The following DCLK1 variants were observed in gnomAD, a reference collection of about 807,000 sequenced individuals.
DCLK1 encodes the protein serine/threonine-protein kinase DCLK1.
DCLK1 carries 16 observed loss-of-function variants against 86.2 expected under a neutral mutation model. The observed-to-expected ratio is 0.19, with a 90% CI of 0.13 to 0.28. The LOEUF is 0.28. Among genes scored for constraint, DCLK1 ranks in the 10% least tolerant of loss-of-function variants. The probability of loss-of-function intolerance (pLI) is 1.00; values close to 1 mark genes in which losing one functional copy is unlikely to be tolerated. For synonymous variants in DCLK1, 369 were observed against 370.5 expected, an observed-to-expected ratio of 1.00 and a Z score of 0.05; for missense variants, 590 against 940.2, an observed-to-expected ratio of 0.63 and a Z score of 4.87.
chr13:35,968,742 A>G (rs190488851), intron 3 of DCLK1, among the ~76,000 whole-genome samples: 45 of 152,148 alleles, frequency 3.0e-4, no homozygotes, highest in Non-Finnish European at 4.4e-4. Context: ...AGCAGATCAT[A>G]GATTCTCAGG....
At chr13:35,836,285 C>G in intron 7 of DCLK1, 144 bp from the exon 8 acceptor site, 1 of 666,776 alleles carries the variant, frequency 1.5e-6, no homozygotes, top group Non-Finnish European at 2.5e-6. Context: ...AACTGCCTCC[C>G]CACCCTTGCT....
chr13:35,861,144 C>T (rs928199624), intron 5 of DCLK1, among the ~76,000 whole-genome samples: 1 of 152,104 alleles, frequency 6.6e-6, no homozygotes, highest in African/African-American at 2.4e-5. Flanking sequence ...AGTGGGAGGA[C>T]ACCAGCCAGC....
intron 4 of DCLK1, among the ~76,000 whole-genome samples, chr13:35,928,769 A>G (rs556024211): frequency 6.6e-6 from 1 of 152,308 alleles, no homozygotes; most frequent in East Asian, 1.9e-4. Context: ...ATGTATACAC[A>G]TATAAGATCA....
rs762867609 is a variant in DCLK1 at position 35,847,725 on chromosome 13, A to G, written c.1035+6774T>C. ...AATTCCCCGGCTGGTTATGTAGGGT[A>G]TATATATATATAGTACATCAGCGCT... On this transcript the variant is annotated intron_variant, in intron 6 of 16. Coordinates refer to ENST00000360631, the MANE Select transcript of DCLK1 (RefSeq NM_001330071.2). 8 of 705,960 alleles carry G rather than the reference A, an allele frequency of 1.1e-5. No individual in the cohort carries two copies. In the African/African-American group the frequency reaches 1.2e-4, roughly 10 times the overall value. 43.7% of individuals were successfully genotyped at this position (705,960 alleles called of 1,614,324 possible).
intron 3 of DCLK1, among the ~76,000 whole-genome samples, chr13:36,014,215 G>A (rs539317390): frequency 6.6e-6 from 1 of 152,252 alleles, no homozygotes; most frequent in Non-Finnish European, 1.5e-5. Context: ...GTTCCTATTC[G>A]GCCATCTTGG....
At chr13:35,807,237 AC>A (rs2087045250) in intron 14 of DCLK1, among the ~76,000 whole-genome samples, 3 of 152,222 alleles carry the variant, frequency 2.0e-5, no homozygotes, top group Admixed American at 2.0e-4. Flanking sequence ...GGTAAAATAT[AC>A]ATAAAATTTA....
intron 3 of DCLK1, among the ~76,000 whole-genome samples, chr13:35,984,995 C>T (rs575473128): frequency 3.9e-5 from 6 of 152,278 alleles, no homozygotes; most frequent in South Asian, 2.1e-4. Context: ...TGGTGCCTCC[C>T]GTCACCATGG....
chr13:36,077,124 C>T (rs1038363118), intron 3 of DCLK1, among the ~76,000 whole-genome samples: 6 of 152,238 alleles, frequency 3.9e-5, no homozygotes, highest in African/African-American at 7.2e-5. Context: ...TTCTCAACTA[C>T]CCAGTGGGGT....
intron 6 of DCLK1, chr13:35,847,774 T>G (rs1870317608): frequency 6.1e-6 from 6 of 985,174 alleles, no homozygotes; most frequent in Non-Finnish European, 7.2e-6. Context: ...TTAGAAAATG[T>G]TTTTTGGGTT....
intron 3 of DCLK1, among the ~76,000 whole-genome samples, chr13:36,019,667 C>T (rs1445742559): frequency 2.8e-4 from 43 of 152,110 alleles, no homozygotes; most frequent in Admixed American, 2.8e-3. Flanking sequence ...GTGTACTATG[C>T]TAGAGATTTT....
chr13:36,114,820 C>T (rs1253117450), intron 2 of DCLK1, among the ~76,000 whole-genome samples: 3 of 152,152 alleles, frequency 2.0e-5, no homozygotes, highest in Non-Finnish European at 4.4e-5. Context: ...AATTAACAAA[C>T]GTGATTGTTC....
intron 4 of DCLK1, among the ~76,000 whole-genome samples, chr13:35,892,656 C>T (rs924815085): frequency 6.6e-6 from 1 of 152,122 alleles, no homozygotes; most frequent in Non-Finnish European, 1.5e-5. Context: ...AGTTTAATCC[C>T]TCAAGAAGTT....
intron 16 of DCLK1, among the ~76,000 whole-genome samples, chr13:35,788,922 T>C (rs1341756938): frequency 6.6e-6 from 1 of 152,220 alleles, no homozygotes; most frequent in Non-Finnish European, 1.5e-5. Flanking sequence ...ATAAATTTTC[T>C]CTATGAAAAT....
intron 11 of DCLK1, among the ~76,000 whole-genome samples, chr13:35,821,442 A>G (rs1044246188): frequency 9.2e-5 from 14 of 152,084 alleles, no homozygotes; most frequent in African/African-American, 3.4e-4. Context: ...GTAGGGCTGC[A>G]TCTAGGCCCA....
chr13:35,876,870 G>C (rs1872621575), intron 4 of DCLK1, among the ~76,000 whole-genome samples: 2 of 152,240 alleles, frequency 1.3e-5, no homozygotes, highest in Middle Eastern at 6.8e-3. Flanking sequence ...GGATGACCCA[G>C]ACTCTCCTTA....
rs945281935 is a variant in DCLK1, at chr13:35,771,878, A to T, written c.*2657T>A. 1 of 152,238 alleles carries T rather than the reference A, an allele frequency of 6.6e-6. No individual in the cohort carries two copies. The highest frequency in any genetic ancestry group is 2.4e-5 in the African/African-American group (1 of 41,462). 9.4% of individuals were successfully genotyped at this position (152,238 alleles called of 1,614,324 possible). A position where few individuals can be genotyped will look rare whatever the true frequency, so the allele number is the denominator to read the frequency against. On this transcript the variant is annotated 3_prime_UTR_variant, in exon 17 of 17. Transcript: ENST00000360631. ...ATTTGGTTATAGAAATTCCTTAAAGAACACCACCACTTAATTATTTCAAAC... is the reference window on the plus strand; with the variant it reads ...ATTTGGTTATAGAAATTCCTTAAAGTACACCACCACTTAATTATTTCAAAC...
At chr13:36,062,242 T>C (rs2153159448) in intron 3 of DCLK1, among the ~76,000 whole-genome samples, 1 of 152,344 alleles carries the variant, frequency 6.6e-6, no homozygotes, top group Middle Eastern at 3.4e-3. Context: ...GTTTTTGAAC[T>C]TCACTCATCA....
At chr13:35,944,774 T>C (rs1877272462) in intron 4 of DCLK1, among the ~76,000 whole-genome samples, 1 of 152,180 alleles carries the variant, frequency 6.6e-6, no homozygotes, top group Admixed American at 6.5e-5. Flanking sequence ...TAGTTTGAAG[T>C]GGTCCTTCAG....
intron 4 of DCLK1, among the ~76,000 whole-genome samples, chr13:35,891,752 G>A (rs182781379): frequency 6.6e-6 from 1 of 152,272 alleles, no homozygotes; most frequent in African/African-American, 2.4e-5. Flanking sequence ...CTAGGAAACG[G>A]CTTCATTAGG....
Sources: gnomAD v4.1 joint callset for allele counts (sites outside exome capture counted in the v4.1 genomes callset) on GRCh38, gnomAD v4.1.1 for gene constraint, MANE v1.5 for transcripts, NCBI Gene and HGNC (gene_info 2026-07-23, HGNC 2026-07-21) for gene names.